CTNNAL1: variants seen among roughly 807,000 people sequenced by gnomAD.
CTNNAL1 encodes alpha-catulin.
In CTNNAL1, 69 loss-of-function variants were observed where a neutral mutation model predicts 93.6. That is an observed-to-expected ratio of 0.74 (90% CI 0.61 to 0.90). The LOEUF (loss-of-function observed/expected upper bound fraction) is 0.90, where lower values mean the gene tolerates loss of function less well. CTNNAL1 is among the 40% of genes least tolerant of loss of function. The pLI is 0.00. For synonymous variants in CTNNAL1, 286 were observed against 305.4 expected (o/e 0.94, Z 0.66); for missense variants, 836 against 862.0 (o/e 0.97, Z 0.38).
chr9:108,989,446 T>C (rs1269373443), intron 4 of CTNNAL1, among the ~76,000 whole-genome samples: 1 of 152,118 alleles, frequency 6.6e-6, no homozygotes, highest in African/African-American at 2.4e-5. Flanking sequence ...ATAAAGTACC[T>C]GCCTATAGAA....
chr9:108,970,686 A>G (rs1831088731), intron 9 of CTNNAL1, among the ~76,000 whole-genome samples, 192 bp from the exon 10 acceptor site: 1 of 152,230 alleles, frequency 6.6e-6, no homozygotes, highest in African/African-American at 2.4e-5. Context: ...AACAAAGCAG[A>G]TATCAATAAA....
At chr9:108,992,007 G>A (rs1418041315) in intron 3 of CTNNAL1, 1 of 745,540 alleles carries the variant, frequency 1.3e-6, no homozygotes, top group South Asian at 1.4e-5. Context: ...AAATTTTGTA[G>A]TTGTGGATAA....
rs538931151 is a variant in CTNNAL1, at chr9:108,955,479, C to G, written c.1629+311G>C. On this transcript the variant is annotated intron_variant, in intron 12 of 18. Transcript: ENST00000325551. ...CAAAGTAGATCCAAGATTGGAAGAA[C>G]AAAACAACTTCTGACTTCAGATATG... is the stretch of plus-strand genomic sequence containing the variant. Among the ~76,000 whole-genome samples the G allele has an allele frequency of 3.3e-5, 5 of 152,284 alleles. No homozygotes were observed. The South Asian group carries it at 8.3e-4, about 25-fold the overall frequency.
At chr9:108,955,313 A>G (rs1830665236) in intron 12 of CTNNAL1, among the ~76,000 whole-genome samples, 1 of 152,056 alleles carries the variant, frequency 6.6e-6, no homozygotes, top group African/African-American at 2.4e-5. Context: ...TTGTCCCCCA[A>G]AAGGGATCTT....
chr9:108,983,178 A>G lies in CTNNAL1; in HGVS notation c.867T>C (p.Ser289=), dbSNP rs760652631. ...CKPNGETDIS[S]ISIFTGIKEF... ...CCTTAATTCCAGTAAAAATACTGAT[A>G]GATGAAATGTCAGTCTCTCCATTCG... The change falls in exon 6 of 19, where the codon TCT becomes TCC. Residue 289 remains serine (S), a synonymous_variant. Transcript: ENST00000325551. 2 of 1,564,388 alleles carry G rather than the reference A, an allele frequency of 1.3e-6. No homozygotes were observed. Among genetic ancestry groups the G allele is most frequent in the Non-Finnish European group, 8.6e-7 (1 of 1,156,422 alleles).
chr9:108,970,441 A>T lies in CTNNAL1; in HGVS notation c.1401T>A (p.Cys467Ter). 1 of 1,612,998 alleles carries T rather than the reference A, an allele frequency of 6.2e-7. No homozygotes were observed. The highest frequency in any genetic ancestry group is 1.3e-5 in the African/African-American group (1 of 74,992). ...ISGTEPLEIT[C>*]IHAEETFQVT... ...CCTGAAATGTCTCCTCTGCATGTAT[A>T]CAGGTTATTTCCAGAGGTTCTGTCC... Residue 467 changes from cysteine (C) to a stop codon, truncating the protein, a stop_gained, in exon 10 of 19, where the codon TGT (cysteine) becomes TGA (stop). Coordinates refer to ENST00000325551, the MANE Select transcript of CTNNAL1 (RefSeq NM_003798.4). LOFTEE classifies it high-confidence loss of function.
At chr9:108,954,695 A>T (rs951079290) in intron 12 of CTNNAL1, among the ~76,000 whole-genome samples, 4 of 152,202 alleles carry the variant, frequency 2.6e-5, no homozygotes, top group Non-Finnish European at 5.9e-5. Flanking sequence ...GATCGCTTTT[A>T]CACCAGCTAC....
chr9:108,972,868 G>GGGGGGCCCCCCCCCCGGC, intron 8 of CTNNAL1, 35 bp from the exon 9 acceptor site: 1 of 1,092,790 alleles, frequency 9.2e-7, no homozygotes, highest in Non-Finnish European at 1.2e-6. Flanking sequence ...GGGTGGGAGG[G>GGGGGGCCCCCCCCCCGGC]TGGAGAAGGA....
intron 4 of CTNNAL1, among the ~76,000 whole-genome samples, chr9:108,989,992 A>G (rs1831739164): frequency 6.6e-6 from 1 of 152,190 alleles, no homozygotes; most frequent in Non-Finnish European, 1.5e-5. Flanking sequence ...TGGAGGTTGC[A>G]GTGAGCCGTG....
At position 108,970,417 on chromosome 9, in the gene CTNNAL1, C is replaced by T. The variant is rs750394336; in HGVS notation, c.1425G>A (p.Gln475=). Residue 475 remains glutamine (Q), a synonymous_variant, in exon 10 of 19, where the codon CAG becomes CAA. Transcript: ENST00000325551. ...ITCIHAEETF[Q]VTGQQIISAA... ...ATTATCATACCTGTTGGCCAGTCACCTGAAATGTCTCCTCTGCATGTATAC... is the reference window on the plus strand; with the variant it reads ...ATTATCATACCTGTTGGCCAGTCACTTGAAATGTCTCCTCTGCATGTATAC... 16 of 1,612,002 alleles carry T rather than the reference C, an allele frequency of 9.9e-6. No individual in the cohort carries two copies. The highest frequency in any genetic ancestry group is 1.3e-5 in the Non-Finnish European group (15 of 1,179,254).
At chr9:108,994,932 C>G (rs1219374507) in intron 2 of CTNNAL1, among the ~76,000 whole-genome samples, 1 of 152,150 alleles carries the variant, frequency 6.6e-6, no homozygotes, top group African/African-American at 2.4e-5. Context: ...GGAAGTGAAG[C>G]CTGCCAACAA....
At chr9:108,947,931 A>G (rs1830451705) in intron 15 of CTNNAL1, among the ~76,000 whole-genome samples, 1 of 152,204 alleles carries the variant, frequency 6.6e-6, no homozygotes, top group African/African-American at 2.4e-5. Flanking sequence ...TTATTATTGC[A>G]TCTATTGACT....
chr9:109,000,085 AC>A (rs1826743618), intron 1 of CTNNAL1, among the ~76,000 whole-genome samples: 3 of 152,236 alleles, frequency 2.0e-5, no homozygotes, highest in African/African-American at 2.4e-5. Flanking sequence ...TTGTACAACT[AC>A]TATGTGCCAA....
Position 108,942,619 on chromosome 9 carries a change from A to T in CTNNAL1, c.*150T>A. Reference sequence around the variant, plus strand: ...TTTATTAGTTGTCAAAAAGCTTTACAATCAGTTTCATGATCAGAAAATAGA... The same window carrying T: ...TTTATTAGTTGTCAAAAAGCTTTACTATCAGTTTCATGATCAGAAAATAGA... On this transcript the variant is annotated 3_prime_UTR_variant, in exon 19 of 19. Transcript: ENST00000325551. The T allele has an allele frequency of 1.7e-6, 1 of 604,816 alleles. No homozygotes were observed. Among genetic ancestry groups the T allele is most frequent in the South Asian group, 2.2e-5 (1 of 44,524 alleles). 37.5% of individuals were successfully genotyped at this position (604,816 alleles called of 1,614,324 possible). A position where few individuals can be genotyped will look rare whatever the true frequency, so the allele number is the denominator to read the frequency against.
At chr9:109,008,891 T>C (rs1291397871) in intron 1 of CTNNAL1, among the ~76,000 whole-genome samples, 1 of 134,498 alleles carries the variant, frequency 7.4e-6, no homozygotes, top group African/African-American at 2.8e-5. Flanking sequence ...TTTTTTTTTT[T>C]TTTTTTTTTT....
chr9:109,005,487 C>G (rs1235101623), intron 1 of CTNNAL1, among the ~76,000 whole-genome samples: 1 of 152,056 alleles, frequency 6.6e-6, no homozygotes, highest in Non-Finnish European at 1.5e-5. Context: ...GGGAGGAGCT[C>G]TCATGAATGG....
intron 1 of CTNNAL1, among the ~76,000 whole-genome samples, chr9:109,002,835 AG>A (rs141524969): frequency 0.068 from 10,224 of 150,158 alleles, 432 homozygotes; most frequent in East Asian, 0.14. Flanking sequence ...AAAAAAAAAA[AG>A]AAAAAAGTTA....
At chr9:108,966,961 A>C (rs1052255517) in intron 10 of CTNNAL1, among the ~76,000 whole-genome samples, 6 of 152,170 alleles carry the variant, frequency 3.9e-5, no homozygotes, top group African/African-American at 1.4e-4. Context: ...TAAAACACAC[A>C]CACACAAAGA....
chr9:108,991,907 T>C (rs1831820816), intron 3 of CTNNAL1: 1 of 626,194 alleles, frequency 1.6e-6, no homozygotes, highest in Non-Finnish European at 2.9e-6. Context: ...ATGACCATCA[T>C]CTGAGAGATT....
Sources: gnomAD v4.1 joint callset for allele counts (sites outside exome capture counted in the v4.1 genomes callset) on GRCh38, gnomAD v4.1.1 for gene constraint, MANE v1.5 for transcripts, NCBI Gene and HGNC (gene_info 2026-07-23, HGNC 2026-07-21) for gene names.